The following CDR2 variants were observed in gnomAD, a reference collection of about 807,000 sequenced individuals.
CDR2 encodes the protein cerebellar degeneration related protein 2.
A neutral mutation model predicts 48.4 loss-of-function variants in CDR2; 34 were observed. That is an observed-to-expected ratio of 0.70 (90% CI 0.53 to 0.94). The LOEUF (loss-of-function observed/expected upper bound fraction) is 0.94. Among genes scored for constraint, CDR2 ranks in the 40% least tolerant of loss-of-function variants. CDR2 has a pLI of 0.00. For synonymous variants in CDR2, 240 were observed against 219.7 expected (o/e 1.09, Z -0.82); for missense variants, 498 against 549.5 (o/e 0.91, Z 0.94).
rs996697350 is a variant in CDR2 at position 22,346,275 on chromosome 16, A to C, written c.*690T>G. On this transcript the variant is annotated 3_prime_UTR_variant, in exon 5 of 5. Transcript: ENST00000268383. ...ATCCTAAAGGCTAGAGCTTTGAGTA[A>C]AAACATTAGAATACAGGGATGGAGG... 6.6e-6 allele frequency: 1 copy of C among 152,660 alleles called. No individual in the cohort carries two copies. Among genetic ancestry groups the C allele is most frequent in the African/African-American group, 2.4e-5 (1 of 41,460 alleles). The allele number at this position is 152,660 out of a possible 1,614,324, so 9.5% of individuals were successfully genotyped here. A position where few individuals can be genotyped will look rare whatever the true frequency, so the allele number is the denominator to read the frequency against.
chr16:22,373,862 G>A (rs1413785673), intron 1 of CDR2, among the ~76,000 whole-genome samples: 2 of 152,378 alleles, frequency 1.3e-5, no homozygotes, highest in South Asian at 2.1e-4. Context: ...AGCCTGCGAC[G>A]GGGCGGCTTC....
intron 2 of CDR2, among the ~76,000 whole-genome samples, chr16:22,361,509 A>T (rs950000269): frequency 2.0e-5 from 3 of 152,216 alleles, no homozygotes. Flanking sequence ...AGACCTCAGA[A>T]ATCTACATCG....
chr16:22,369,951 C>T (rs937963420), intron 1 of CDR2, among the ~76,000 whole-genome samples: 15 of 152,194 alleles, frequency 9.9e-5, no homozygotes, highest in Non-Finnish European at 2.2e-4. Context: ...TCCTATTGAA[C>T]TGGCCTGGTT....
intron 2 of CDR2, among the ~76,000 whole-genome samples, chr16:22,356,214 T>C (rs2048973110): frequency 6.6e-6 from 1 of 152,206 alleles, no homozygotes; most frequent in Non-Finnish European, 1.5e-5. Flanking sequence ...TTAAGAGGAT[T>C]ATCCTAGATC....
At chr16:22,369,635 G>A (rs1320174261) in intron 1 of CDR2, among the ~76,000 whole-genome samples, 3 of 152,162 alleles carry the variant, frequency 2.0e-5, no homozygotes, top group African/African-American at 7.2e-5. Context: ...AAGCTCCTGT[G>A]AAGTCACACT....
At chr16:22,352,757 T>C (rs1368590118) in intron 2 of CDR2, among the ~76,000 whole-genome samples, 1 of 152,226 alleles carries the variant, frequency 6.6e-6, no homozygotes, top group Non-Finnish European at 1.5e-5. Flanking sequence ...GTACCTACCA[T>C]GTAGAACTGG....
At position 22,365,029 on chromosome 16, in the gene CDR2, G is replaced by A. The variant is rs753843532; in HGVS notation, c.80-15C>T. The A allele has an allele frequency of 3.5e-6, 5 of 1,444,374 alleles. No homozygotes were observed. The South Asian group carries it at 4.6e-5, about 13-fold the overall frequency. 89.5% of individuals were successfully genotyped at this position (1,444,374 alleles called of 1,614,324 possible). A position where few individuals can be genotyped will look rare whatever the true frequency, so the allele number is the denominator to read the frequency against. On this transcript the variant is annotated splice_polypyrimidine_tract_variant and intron_variant, in intron 1 of 4. Transcript: ENST00000268383. The stretch of plus-strand genomic sequence containing the variant: ...AAGTTGAAGATCTAGCACAACAAAT[G>A]AATCTTAGAATAATACAAATGATCT...
intron 2 of CDR2, among the ~76,000 whole-genome samples, chr16:22,359,255 T>G (rs1205161626): frequency 6.6e-6 from 1 of 151,988 alleles, no homozygotes; most frequent in Non-Finnish European, 1.5e-5. Flanking sequence ...GCCTCCTGAG[T>G]AGCTGGGATT....
At position 22,346,022 on chromosome 16, in the gene CDR2, A is replaced by C. The variant is rs1407016170; in HGVS notation, c.*943T>G. 3 of 152,628 alleles carry C rather than the reference A, an allele frequency of 2.0e-5. No homozygotes were observed. Among genetic ancestry groups the C allele is most frequent in the African/African-American group, 7.2e-5 (3 of 41,452 alleles). The allele number at this position is 152,628 out of a possible 1,614,324, so 9.5% of individuals were successfully genotyped here. ...AGTTCTTAAATAGTTTTAAGTTAAA[A>C]GAATGCAAGTGAGAGGATGTTTCCA... On this transcript the variant is annotated 3_prime_UTR_variant, in exon 5 of 5. Coordinates refer to ENST00000268383, the MANE Select transcript of CDR2 (RefSeq NM_001802.2).
rs1171324423 is a variant in CDR2 at position 22,347,465 on chromosome 16, T to A, written c.865A>T (p.Ser289Cys). 1 of 1,614,070 alleles carries A rather than the reference T, an allele frequency of 6.2e-7. No homozygotes were observed. The highest frequency in any genetic ancestry group is 1.1e-5 in the South Asian group (1 of 91,080). ...GTCAGGAACATCTCTTCCAGCAGGC[T>A]CTGGCTGGGCTCTTTGAAAGGAACA... is the stretch of plus-strand genomic sequence containing the variant. Reference protein sequence around the residue: ...LYVPFKEPSQSLLEEMFLTVP... With the variant: ...LYVPFKEPSQCLLEEMFLTVP... The change falls in exon 5 of 5, where the codon AGC becomes TGC. Residue 289 changes from serine (S) to cysteine (C), a missense_variant. Ser to Cys is a moderately radical substitution (Grantham distance 112). Coordinates refer to ENST00000268383, the MANE Select transcript of CDR2 (RefSeq NM_001802.2).
chr16:22,373,696 T>C (rs1598298685), intron 1 of CDR2, among the ~76,000 whole-genome samples: 1 of 152,346 alleles, frequency 6.6e-6, no homozygotes, highest in South Asian at 2.1e-4. Flanking sequence ...CCCACAAATA[T>C]ATACACCTAC....
chr16:22,361,205 CCTT>C (rs2049008744), intron 2 of CDR2, among the ~76,000 whole-genome samples: 1 of 152,162 alleles, frequency 6.6e-6, no homozygotes, highest in Non-Finnish European at 1.5e-5. Flanking sequence ...GCTCTCAACT[CCTT>C]ATCTAGGAAT....
rs755937707 is a variant in CDR2, at chr16:22,365,007, T to C, written c.87A>G (p.Gln29=). 6.9e-5 allele frequency: 110 copies of C among 1,601,616 alleles called. No individual in the cohort carries two copies. In the Middle Eastern group the frequency reaches 8.3e-4, roughly 12 times the overall value. Residue 29 remains glutamine, a synonymous_variant, in exon 2 of 5, where the codon CAA becomes CAG. Coordinates refer to ENST00000268383, the MANE Select transcript of CDR2 (RefSeq NM_001802.2). The part of the protein sequence containing the change: ...YDHQDLQQDL[Q]LAAELGKTLL... ...ATGTCTTCCCAAGCTCAGCAGCAAG[T>C]TGAAGATCTAGCACAACAAATGAAT... is the stretch of plus-strand genomic sequence containing the variant.
At chr16:22,356,952 A>AG (rs1555487731) in intron 2 of CDR2, among the ~76,000 whole-genome samples, 1 of 138,614 alleles carries the variant, frequency 7.2e-6, no homozygotes, top group Non-Finnish European at 1.6e-5. Context: ...AAAAAAAAAA[A>AG]GAAAAAAAAA....
intron 2 of CDR2, among the ~76,000 whole-genome samples, chr16:22,354,777 C>T (rs955823718): frequency 2.0e-5 from 3 of 151,984 alleles, no homozygotes; most frequent in Non-Finnish European, 4.4e-5. Context: ...GCCTGTAGTC[C>T]CAGCTACTTG....
intron 1 of CDR2, chr16:22,366,901 G>C (rs1430880176): frequency 2.0e-5 from 3 of 152,364 alleles, no homozygotes; most frequent in Admixed American, 1.3e-4. Flanking sequence ...TGGGAGAGGA[G>C]GGGCAGAATT....
chr16:22,354,894 AAAAT>A (rs929996861), intron 2 of CDR2, among the ~76,000 whole-genome samples: 3 of 152,180 alleles, frequency 2.0e-5, no homozygotes, highest in Admixed American at 6.5e-5. Flanking sequence ...ACTATGTCTA[AAAAT>A]AAATAAATAA....
chr16:22,347,486 G>C lies in CDR2; in HGVS notation c.844C>G (p.Pro282Ala), dbSNP rs138284829. 6.2e-7 allele frequency: 1 copy of C among 1,613,918 alleles called. No homozygotes were observed. The highest frequency in any genetic ancestry group is 1.3e-5 in the African/African-American group (1 of 74,918). The part of the protein sequence containing the change: ...EKLVPDSLYV[P>A]FKEPSQSLLE... Reference sequence around the variant, plus strand: ...AGGCTCTGGCTGGGCTCTTTGAAAGGAACATACAGAGAGTCTGGCACCAGC... The same window carrying C: ...AGGCTCTGGCTGGGCTCTTTGAAAGCAACATACAGAGAGTCTGGCACCAGC... Residue 282 changes from proline to alanine, a missense_variant, in exon 5 of 5, where the codon CCT becomes GCT. Physicochemically the swap from Pro to Ala is conservative, Grantham distance 27. Coordinates refer to ENST00000268383, the MANE Select transcript of CDR2 (RefSeq NM_001802.2).
chr16:22,356,194 T>G (rs1410107118), intron 2 of CDR2, among the ~76,000 whole-genome samples: 1 of 152,210 alleles, frequency 6.6e-6, no homozygotes, highest in Non-Finnish European at 1.5e-5. Flanking sequence ...CCTTTGTAAT[T>G]CAATGAATTT....
Sources: allele counts gnomAD v4.1 joint callset (sites outside exome capture counted in the v4.1 genomes callset), GRCh38; gene constraint gnomAD v4.1.1; transcripts MANE v1.5; gene names NCBI Gene and HGNC (gene_info 2026-07-23, HGNC 2026-07-21).